The following TTC7B variants were observed in gnomAD, a reference collection of about 807,000 sequenced individuals.
TTC7B encodes tetratricopeptide repeat domain 7B, also known as tetratricopeptide repeat protein 7B.
Under a neutral mutation model 106.8 loss-of-function variants are expected in TTC7B, and 28 were observed. The ratio of observed to expected loss-of-function variants is 0.26; its 90% CI spans 0.19 to 0.36. The LOEUF is 0.36. TTC7B is among the 10% of genes least tolerant of loss of function. The pLI is 1.00. For missense variants in TTC7B, 862 were observed against 1,076.4 expected, an observed-to-expected ratio of 0.80 and a Z score of 2.79; for synonymous variants, 405 against 430.6, an observed-to-expected ratio of 0.94 and a Z score of 0.74.
At chr14:90,646,284 G>C (rs2139885158) in intron 14 of TTC7B, among the ~76,000 whole-genome samples, 1 of 152,294 alleles carries the variant, frequency 6.6e-6, no homozygotes, top group African/African-American at 2.4e-5. Context: ...GCACCTGGTG[G>C]GTGGCCAGGC....
At chr14:90,645,937 T>C (rs148818423) in intron 14 of TTC7B, among the ~76,000 whole-genome samples, 1 of 152,180 alleles carries the variant, frequency 6.6e-6, no homozygotes, top group East Asian at 1.9e-4. Context: ...AAGGAAGAAG[T>C]GCAGGCTGCT....
chr14:90,766,478 C>A, intron 3 of TTC7B: 3 of 654,236 alleles, frequency 4.6e-6, no homozygotes, highest in South Asian at 3.5e-5. Context: ...TAAAAAGAAG[C>A]CAATAAGAAA....
chr14:90,572,201 A>G (rs1360306420), intron 19 of TTC7B, among the ~76,000 whole-genome samples: 2 of 152,158 alleles, frequency 1.3e-5, no homozygotes, highest in Non-Finnish European at 2.9e-5. Flanking sequence ...ATGGGATGAG[A>G]TGTTTTCACA....
Position 90,624,107 on chromosome 14 carries a change from T to C in TTC7B, c.1752-6062A>G, listed in dbSNP as rs1302883151. On this transcript the variant is annotated intron_variant, in intron 15 of 19. Transcript: ENST00000328459. The surrounding 1 kb of genome is among the most constrained non-coding windows in gnomAD (Gnocchi z 4.0). Reference sequence around the variant, plus strand: ...GTGCGTGTATATGTGTGCATGTGTGTGTGCGCGTGCGCGTGTGTGTGTTTT... The same window carrying C: ...GTGCGTGTATATGTGTGCATGTGTGCGTGCGCGTGCGCGTGTGTGTGTTTT... 6.6e-6 allele frequency among the ~76,000 whole-genome samples: 1 copy of C among 151,510 alleles called. No individual in the cohort carries two copies. The highest frequency in any genetic ancestry group is 2.4e-5 in the African/African-American group (1 of 41,430).
At chr14:90,693,202 A>T (rs1887543221) in intron 6 of TTC7B, among the ~76,000 whole-genome samples, 1 of 152,182 alleles carries the variant, frequency 6.6e-6, no homozygotes, top group South Asian at 2.1e-4. Context: ...GACATGTGGC[A>T]TTTGCTTAGT....
At chr14:90,589,562 T>G (rs1362448978) in intron 18 of TTC7B, among the ~76,000 whole-genome samples, 3 of 152,230 alleles carry the variant, frequency 2.0e-5, no homozygotes, top group African/African-American at 7.2e-5. Context: ...TTTCAGATAT[T>G]TTTAATGCAA....
At position 90,735,227 on chromosome 14, in the gene TTC7B, C is replaced by T. The variant is rs182052306; in HGVS notation, c.577-5031G>A. ...ATATAATTTCAAAAATGATCTAGGC[C>T]AGGCACGGTGGCTCACGCCTGTAAT... On this transcript the variant is annotated intron_variant, in intron 4 of 19. Coordinates refer to ENST00000328459, the MANE Select transcript of TTC7B (RefSeq NM_001010854.2). 9.9e-5 allele frequency among the ~76,000 whole-genome samples: 15 copies of T among 152,242 alleles called. 1 individual carries two copies. Among genetic ancestry groups the T allele is most frequent in the Admixed American group, 4.6e-4 (7 of 15,280 alleles).
chr14:90,618,786 C>T (rs1893192460), intron 15 of TTC7B, among the ~76,000 whole-genome samples: 2 of 152,234 alleles, frequency 1.3e-5, no homozygotes, highest in Admixed American at 1.3e-4. Context: ...CTCTCCTGGC[C>T]CCTGGACTTG....
chr14:90,598,298 G>A (rs750033968), intron 17 of TTC7B, among the ~76,000 whole-genome samples: 1 of 152,180 alleles, frequency 6.6e-6, no homozygotes, highest in African/African-American at 2.4e-5. Flanking sequence ...GTCCTGGAGC[G>A]GAGGCCATCT....
intron 18 of TTC7B, among the ~76,000 whole-genome samples, chr14:90,581,460 C>A (rs981217664): frequency 2.6e-5 from 4 of 152,210 alleles, no homozygotes; most frequent in African/African-American, 9.7e-5. Context: ...ATTCCCTCAA[C>A]GCCCTCACCA....
At position 90,624,465 on chromosome 14, in the gene TTC7B, C is replaced by T. The variant is rs1884351661; in HGVS notation, c.1752-6420G>A. Among the ~76,000 whole-genome samples the T allele has an allele frequency of 6.6e-6, 1 of 152,134 alleles. No homozygotes were observed. Among genetic ancestry groups the T allele is most frequent in the African/African-American group, 2.4e-5 (1 of 41,438 alleles). ...ATTCCCCAGGAAGACTTCGCTGACT[C>T]GCTGGAAACTGCTCCCAACCACTGG... On this transcript the variant is annotated intron_variant, in intron 15 of 19. Transcript: ENST00000328459. This position sits in a 1 kb window ranked among gnomAD's most constrained non-coding sequence, Gnocchi z 4.0.
chr14:90,641,998 T>C (rs191427717), intron 15 of TTC7B, among the ~76,000 whole-genome samples: 5 of 152,150 alleles, frequency 3.3e-5, no homozygotes, highest in Admixed American at 2.0e-4. Flanking sequence ...TTTATAAATA[T>C]TGATGAGAGA....
At chr14:90,635,782 C>T (rs993340526) in intron 15 of TTC7B, among the ~76,000 whole-genome samples, 3 of 137,236 alleles carry the variant, frequency 2.2e-5, no homozygotes, top group Admixed American at 7.5e-5. Context: ...AAAAAATTAT[C>T]TATATATAAT....
intron 2 of TTC7B, among the ~76,000 whole-genome samples, chr14:90,785,731 C>T (rs772134437): frequency 3.9e-5 from 6 of 152,092 alleles, no homozygotes; most frequent in Non-Finnish European, 7.4e-5. Context: ...CCAACTGTGA[C>T]GCCAGGCCTG....
intron 4 of TTC7B, 63 bp from the exon 5 acceptor site, chr14:90,730,259 CT>C: frequency 6.4e-7 from 1 of 1,552,962 alleles, no homozygotes; most frequent in Non-Finnish European, 8.6e-7. Context: ...CCTTCAAACC[CT>C]ATCTCTAAAT....
intron 4 of TTC7B, among the ~76,000 whole-genome samples, chr14:90,744,115 C>A (rs1889869222): frequency 6.6e-6 from 1 of 152,230 alleles, no homozygotes; most frequent in Non-Finnish European, 1.5e-5. Context: ...CAAGGTAAGG[C>A]CTCCCAAGCC....
chr14:90,680,197 T>A (rs1886996579), intron 8 of TTC7B, among the ~76,000 whole-genome samples: 1 of 152,228 alleles, frequency 6.6e-6, no homozygotes, highest in Non-Finnish European at 1.5e-5. Context: ...GTTCAGCCAA[T>A]ACTGGGTGGA....
chr14:90,801,749 T>C (rs1382472975), intron 1 of TTC7B, among the ~76,000 whole-genome samples: 1 of 152,080 alleles, frequency 6.6e-6, no homozygotes, highest in African/African-American at 2.4e-5. Context: ...AGAGGGGTAT[T>C]TGAGTGCATT....
At chr14:90,658,198 C>T (rs568069576) in intron 10 of TTC7B, 106 bp downstream of exon 10, 27 of 980,226 alleles carry the variant, frequency 2.8e-5, no homozygotes, top group Admixed American at 1.7e-4. Context: ...CAGAGTGGCT[C>T]GAAAGACTTC....
Sources: allele counts gnomAD v4.1 joint callset (sites outside exome capture counted in the v4.1 genomes callset), GRCh38; gene constraint gnomAD v4.1.1; non-coding constraint Gnocchi (gnomAD v3.1); transcripts MANE v1.5; gene names NCBI Gene and HGNC (gene_info 2026-07-23, HGNC 2026-07-21).